The following WWOX variants were observed in gnomAD, a reference collection of about 807,000 sequenced individuals.
The protein encoded by WWOX is WW domain containing oxidoreductase.
Under a neutral mutation model 46.2 loss-of-function variants are expected in WWOX, and 69 were observed. The observed-to-expected ratio is 1.49, with a 90% CI of 1.23 to 1.82. WWOX has a LOEUF of 1.82. Ranked by LOEUF, WWOX falls within the 40% of genes most tolerant of loss-of-function variation. WWOX has a pLI of 0.00. For missense variants in WWOX, 919 were observed against 542.6 expected, an observed-to-expected ratio of 1.69 and a Z score of -6.89; for synonymous variants, 359 against 202.6, an observed-to-expected ratio of 1.77 and a Z score of -6.56.
intron 8 of WWOX, among the ~76,000 whole-genome samples, chr16:78,766,385 A>G (rs935943481): frequency 3.9e-5 from 6 of 152,288 alleles, no homozygotes; most frequent in African/African-American, 9.6e-5. Flanking sequence ...GCTTGAGGCT[A>G]TGGCTTCAAA....
chr16:78,170,298 A>G (rs1167483874), intron 5 of WWOX, among the ~76,000 whole-genome samples: 1 of 152,168 alleles, frequency 6.6e-6, no homozygotes, highest in Non-Finnish European at 1.5e-5. Flanking sequence ...CAGTTTCTTC[A>G]TCTGTAAAAT....
At chr16:78,198,651 C>G (rs2036134195) in intron 5 of WWOX, among the ~76,000 whole-genome samples, 2 of 152,170 alleles carry the variant, frequency 1.3e-5, no homozygotes, top group Admixed American at 6.6e-5. Context: ...ATTTCAGGCA[C>G]TATCTAATGA....
chr16:78,818,476 A>T (rs2051402999), intron 8 of WWOX, among the ~76,000 whole-genome samples: 1 of 152,160 alleles, frequency 6.6e-6, no homozygotes, highest in Non-Finnish European at 1.5e-5. Context: ...CATGCCTGTA[A>T]TCCCAGCACT....
intron 8 of WWOX, among the ~76,000 whole-genome samples, chr16:78,563,407 G>C (rs1032679332): frequency 6.6e-6 from 1 of 151,396 alleles, no homozygotes; most frequent in East Asian, 1.9e-4. Context: ...GACAGGTATT[G>C]AAGCCAAAAA....
At chr16:79,161,440 G>A (rs1238057805) in intron 8 of WWOX, among the ~76,000 whole-genome samples, 3 of 152,174 alleles carry the variant, frequency 2.0e-5, no homozygotes, top group Admixed American at 6.5e-5. Flanking sequence ...TGACTAAAGA[G>A]AGAGGAGGAG....
chr16:78,264,816 A>T (rs1000772488), intron 5 of WWOX: 1 of 152,682 alleles, frequency 6.5e-6, no homozygotes, highest in Non-Finnish European at 1.5e-5. Flanking sequence ...TGGAGCCCTC[A>T]TTAGACGCCA....
chr16:78,429,032 T>C (rs537467918), intron 7 of WWOX, among the ~76,000 whole-genome samples: 7 of 152,334 alleles, frequency 4.6e-5, no homozygotes, highest in African/African-American at 1.7e-4. Context: ...ACTTGGTCCT[T>C]GGATTGGAAT....
chr16:79,027,628 G>C (rs1396782343), intron 8 of WWOX, among the ~76,000 whole-genome samples: 5 of 151,726 alleles, frequency 3.3e-5, no homozygotes, highest in Admixed American at 6.6e-5. Flanking sequence ...CTTTCCTATC[G>C]TGAATTCGGT....
chr16:79,084,986 C>T (rs149298475), intron 8 of WWOX, among the ~76,000 whole-genome samples: 35 of 151,496 alleles, frequency 2.3e-4, no homozygotes, highest in African/African-American at 8.0e-4. Context: ...AGTGCAGTGG[C>T]ACAATTATAG....
intron 5 of WWOX, among the ~76,000 whole-genome samples, chr16:78,289,983 C>T (rs539072800): frequency 3.3e-4 from 50 of 152,206 alleles, no homozygotes; most frequent in Admixed American, 7.2e-4. Context: ...TACATCAGCC[C>T]GTGAATTTAG....
At chr16:78,208,010 G>A (rs1297817096) in intron 5 of WWOX, among the ~76,000 whole-genome samples, 2 of 151,934 alleles carry the variant, frequency 1.3e-5, no homozygotes, top group Non-Finnish European at 2.9e-5. Flanking sequence ...ACAGGGTTTC[G>A]CCATGTTGGC....
At chr16:79,158,509 T>C (rs1414929956) in intron 8 of WWOX, among the ~76,000 whole-genome samples, 1 of 140,810 alleles carries the variant, frequency 7.1e-6, no homozygotes, top group Non-Finnish European at 1.5e-5. Flanking sequence ...TACAACTCCT[T>C]ATCCTGTCAG....
intron 8 of WWOX, among the ~76,000 whole-genome samples, chr16:78,586,747 C>G (rs957568322): frequency 2.0e-5 from 3 of 152,066 alleles, no homozygotes; most frequent in African/African-American, 7.2e-5. Flanking sequence ...TGCCATTATT[C>G]TTTGACATAG....
chr16:78,627,532 G>C (rs2046337624), intron 8 of WWOX, among the ~76,000 whole-genome samples: 1 of 152,186 alleles, frequency 6.6e-6, no homozygotes, highest in African/African-American at 2.4e-5. Context: ...AGTCACCAAT[G>C]AGAGTTCAGG....
At chr16:78,402,899 C>A (rs1276973741) in intron 6 of WWOX, among the ~76,000 whole-genome samples, 1 of 152,174 alleles carries the variant, frequency 6.6e-6, no homozygotes, top group Non-Finnish European at 1.5e-5. Context: ...GTGAATTAAT[C>A]CTCAACTCCA....
rs140833958 is a variant in WWOX at position 78,260,680 on chromosome 16, A to C, written c.516+96391A>C. 2.3e-3 allele frequency among the ~76,000 whole-genome samples: 346 copies of C among 149,100 alleles called. 7 individuals carry two copies. The highest frequency in any genetic ancestry group is 4.1e-3 in the Non-Finnish European group (277 of 67,242). ...TATACTCCATCTAAAAAAAAAAATT[A>C]GTTATCTCTGCCCTTTGGGAGGCTG... On this transcript the variant is annotated intron_variant, in intron 5 of 8. Transcript: ENST00000566780.
intron 5 of WWOX, chr16:78,355,463 G>C (rs567525063): frequency 6.2e-6 from 2 of 322,254 alleles, no homozygotes; most frequent in South Asian, 6.5e-5. Context: ...TTAGCCTGGC[G>C]TGGTGGCGGG....
At chr16:79,037,049 G>C (rs750419256) in intron 8 of WWOX, among the ~76,000 whole-genome samples, 13 of 152,302 alleles carry the variant, frequency 8.5e-5, no homozygotes, top group African/African-American at 2.2e-4. Context: ...CAGGCACTCT[G>C]TTAAGAATGC....
chr16:78,526,983 G>T, intron 8 of WWOX, among the ~76,000 whole-genome samples: 1 of 152,154 alleles, frequency 6.6e-6, no homozygotes, highest in East Asian at 1.9e-4. Context: ...TGACCAACAT[G>T]GTGAAACCCC....
Sources: gnomAD v4.1 joint callset for allele counts (sites outside exome capture counted in the v4.1 genomes callset) on GRCh38, gnomAD v4.1.1 for gene constraint, MANE v1.5 for transcripts, NCBI Gene and HGNC (gene_info 2026-07-23, HGNC 2026-07-21) for gene names.